Variants in ZBTB17 observed in about 807,000 individuals in gnomAD.
ZBTB17 encodes zinc finger and BTB domain containing 17.
Under a neutral mutation model 85.1 loss-of-function variants are expected in ZBTB17, and 24 were observed. That is an observed-to-expected ratio of 0.28 (90% CI 0.20 to 0.40). The LOEUF is 0.40. ZBTB17 is among the 10% of genes least tolerant of loss of function. ZBTB17 has a pLI of 1.00. For synonymous variants in ZBTB17, 464 were observed against 460.2 expected (o/e 1.01, Z -0.11); for missense variants, 743 against 1,105.1 (o/e 0.67, Z 4.65).
rs1040373145 is a variant in ZBTB17 at position 15,952,217 on chromosome 1, C to T, written c.-2-3720G>A. ...CCACTCACAAAGTCTTAGCTGCAAT[C>T]GGGCACCTTTTCCCAACACCTCTAG... On this transcript the variant is annotated intron_variant, in intron 2 of 15. Coordinates refer to ENST00000375743, the MANE Select transcript of ZBTB17 (RefSeq NM_003443.3). The surrounding 1 kb of genome is among the most constrained non-coding windows in gnomAD (Gnocchi z 4.3). Among the ~76,000 whole-genome samples the T allele has an allele frequency of 6.6e-6, 1 of 152,198 alleles. No individual in the cohort carries two copies. Among genetic ancestry groups the T allele is most frequent in the Non-Finnish European group, 1.5e-5 (1 of 68,036 alleles).
intron 2 of ZBTB17, among the ~76,000 whole-genome samples, chr1:15,965,959 A>C (rs1010396146): frequency 2.0e-5 from 3 of 152,190 alleles, no homozygotes; most frequent in Non-Finnish European, 4.4e-5. Flanking sequence ...GGTAACAGTA[A>C]GTTCTTTTTG....
At chr1:15,947,213 G>A in intron 3 of ZBTB17, 90 bp from the exon 4 acceptor site, 2 of 1,359,562 alleles carry the variant, frequency 1.5e-6, no homozygotes, top group East Asian at 2.5e-5. Flanking sequence ...CAGGACGCAG[G>A]GATTTAGGAA....
rs1340310661 is a variant in ZBTB17, at chr1:15,941,893, C to T, written c.*76G>A. ...ATTAGAAAATAATCCAATTTATTCT[C>T]TCTAGGGAACAGGCCACCCTTCCCG... On this transcript the variant is annotated 3_prime_UTR_variant, in exon 16 of 16. Transcript: ENST00000375743. 1 of 1,519,782 alleles carries T rather than the reference C, an allele frequency of 6.6e-7. No homozygotes were observed. The highest frequency in any genetic ancestry group is 8.8e-7 in the Non-Finnish European group (1 of 1,134,424). 94.1% of individuals were successfully genotyped at this position (1,519,782 alleles called of 1,614,324 possible).
chr1:15,949,688 A>G (rs1220391165), intron 2 of ZBTB17, among the ~76,000 whole-genome samples: 1 of 152,160 alleles, frequency 6.6e-6, no homozygotes, highest in Non-Finnish European at 1.5e-5. Flanking sequence ...CTGTGACATC[A>G]GCATCTTGGG....
Position 15,947,154 on chromosome 1 carries a change from C to A in ZBTB17, c.206-31G>T, listed in dbSNP as rs577336851. 744 of 1,584,214 alleles carry A rather than the reference C, an allele frequency of 4.7e-4. 13 individuals carry two copies. The South Asian group carries it at 6.7e-3, about 14-fold the overall frequency. On this transcript the variant is annotated intron_variant, in intron 3 of 15. Coordinates refer to ENST00000375743, the MANE Select transcript of ZBTB17 (RefSeq NM_003443.3). ...AAGGACAGGACAGCTGTCACAGACC[C>A]ACCTCAAGATCCGGCACCGGCAGCC...
In ZBTB17 at chr1:15,945,721, C is replaced by G. The variant is rs1377275892; in HGVS notation, c.655G>C (p.Glu219Gln). The change falls in exon 6 of 16, where the codon GAG becomes CAG. Residue 219 changes from glutamate to glutamine, a missense_variant. Glu to Gln is a conservative substitution (Grantham distance 29). Coordinates refer to ENST00000375743, the MANE Select transcript of ZBTB17 (RefSeq NM_003443.3). ...EAEAALSESS[E>Q]QEMEVEPARK... Reference sequence around the variant, plus strand: ...CCTGGCTGGGCGGGGCTACCTTGCTCCGAGCTCTCGGACAAAGCGGCCTCA... The same window carrying G: ...CCTGGCTGGGCGGGGCTACCTTGCTGCGAGCTCTCGGACAAAGCGGCCTCA... The G allele has an allele frequency of 2.5e-6, 4 of 1,606,990 alleles. No individual in the cohort carries two copies. The highest frequency in any genetic ancestry group is 1.1e-5 in the South Asian group (1 of 91,042).
chr1:15,957,097 T>C (rs774814502), intron 2 of ZBTB17, among the ~76,000 whole-genome samples: 51 of 150,458 alleles, frequency 3.4e-4, no homozygotes, highest in Non-Finnish European at 4.7e-4. Flanking sequence ...GGAGAATGCT[T>C]GAACCTGGGA....
In ZBTB17 at chr1:15,943,735, G is replaced by A. The variant is rs750435003; in HGVS notation, c.1460-20C>T. Reference sequence around the variant, plus strand: ...GGTTCCCTGTGGCGAGACCGAGGGCGAACCTGGCGTGGGGCACCACCGGTG... The same window carrying A: ...GGTTCCCTGTGGCGAGACCGAGGGCAAACCTGGCGTGGGGCACCACCGGTG... On this transcript the variant is annotated intron_variant, in intron 10 of 15. Transcript: ENST00000375743. The A allele has an allele frequency of 1.3e-5, 21 of 1,612,870 alleles. No individual in the cohort carries two copies. The South Asian group carries it at 1.8e-4, about 13-fold the overall frequency.
chr1:15,944,662 AG>A, intron 8 of ZBTB17, 34 bp downstream of exon 8: 2 of 1,602,924 alleles, frequency 1.2e-6, no homozygotes. Flanking sequence ...CGGGCCTGGC[AG>A]GGGCCGGGGT....
rs1230431464 is a variant in ZBTB17, at chr1:15,944,774, C to T, written c.993G>A (p.Glu331=). The change falls in exon 8 of 16, where the codon GAG becomes GAA. Residue 331 remains glutamate (E), a synonymous_variant. Coordinates refer to ENST00000375743, the MANE Select transcript of ZBTB17 (RefSeq NM_003443.3). ...FKRHIRIHTG[E]KPFSCRECSK... is the part of the protein sequence containing the mutation. ...TGCACTCCCGGCACGAGAAGGGCTT[C>T]TCCCCCGTGTGGATGCGGATGTGCC... The T allele has an allele frequency of 6.2e-7, 1 of 1,612,824 alleles. No individual in the cohort carries two copies. The highest frequency in any genetic ancestry group is 8.5e-7 in the Non-Finnish European group (1 of 1,179,780).
Position 15,953,600 on chromosome 1 carries a change from G to A in ZBTB17, c.-2-5103C>T, listed in dbSNP as rs2071942873. 6.6e-6 allele frequency among the ~76,000 whole-genome samples: 1 copy of A among 151,948 alleles called. No individual in the cohort carries two copies. Among genetic ancestry groups the A allele is most frequent in the Non-Finnish European group, 1.5e-5 (1 of 67,970 alleles). On this transcript the variant is annotated intron_variant, in intron 2 of 15. Transcript: ENST00000375743. This position sits in a 1 kb window ranked among gnomAD's most constrained non-coding sequence, Gnocchi z 5.1. Reference sequence around the variant, plus strand: ...AGACTGCTGAGTAAGCCAGGTTTCTGTTTGGGCCGTGAAATCCACTCTGGT... The same window carrying A: ...AGACTGCTGAGTAAGCCAGGTTTCTATTTGGGCCGTGAAATCCACTCTGGT...
intron 4 of ZBTB17, among the ~76,000 whole-genome samples, 199 bp from the exon 5 acceptor site, chr1:15,946,493 C>T (rs1484765043): frequency 6.6e-6 from 1 of 152,228 alleles, no homozygotes; most frequent in Non-Finnish European, 1.5e-5. Context: ...ACTGGGAATA[C>T]AACAGTGATG....
At position 15,942,365 on chromosome 1, in the gene ZBTB17, C is replaced by T; in HGVS notation, c.2094G>A (p.Glu698=). 5 of 1,613,944 alleles carry T rather than the reference C, an allele frequency of 3.1e-6. No individual in the cohort carries two copies. Among genetic ancestry groups the T allele is most frequent in the Non-Finnish European group, 4.2e-6 (5 of 1,180,038 alleles). Residue 698 remains glutamate (E), a synonymous_variant, in exon 15 of 16, where the codon GAG becomes GAA. Coordinates refer to ENST00000375743, the MANE Select transcript of ZBTB17 (RefSeq NM_003443.3). ...GCACTTGCTTCACAGCTTTGCTGAT[C>T]TCGGCCTTCAGGACTTCCGTCTCAT... is the stretch of plus-strand genomic sequence containing the variant. ...TADETEVLKA[E]ISKAVKQVQE... is the part of the protein sequence containing the mutation.
At chr1:15,954,304 TA>T (rs1057025486) in intron 2 of ZBTB17, among the ~76,000 whole-genome samples, 18 of 152,184 alleles carry the variant, frequency 1.2e-4, no homozygotes, top group African/African-American at 3.6e-4. Flanking sequence ...TAGTATGCAC[TA>T]AACTACCTGC....
At position 15,945,175 on chromosome 1, in the gene ZBTB17, C is replaced by A; in HGVS notation, c.689G>T (p.Gly230Val). Residue 230 changes from glycine to valine, a missense_variant, in exon 7 of 16, where the codon GGG (glycine) becomes GTG (valine). This residue lies in a region of ZBTB17 where 279 missense variants were observed against 269.9 expected (regional missense o/e 1.03). Transcript: ENST00000375743. ...QEMEVEPARK[G>V]EEEQKEQEEQ... ...CTCTTGCTCCTTTTGCTCCTCTTCC[C>A]CTTTCCGGGCGGGCTCCACCTCCAT... 6.4e-7 allele frequency: 1 copy of A among 1,559,856 alleles called. No homozygotes were observed. Among genetic ancestry groups the A allele is most frequent in the East Asian group, 2.4e-5 (1 of 41,846 alleles).
chr1:15,950,681 T>C lies in ZBTB17; in HGVS notation c.-2-2184A>G, dbSNP rs1453199495. ...CCTTCCCCAGGAGCCAACCCGAAAC[T>C]TGAGCCACCCAGGTGCTAAAACAAC... On this transcript the variant is annotated intron_variant, in intron 2 of 15. Coordinates refer to ENST00000375743, the MANE Select transcript of ZBTB17 (RefSeq NM_003443.3). Among the ~76,000 whole-genome samples the C allele has an allele frequency of 3.9e-5, 6 of 152,162 alleles. No individual in the cohort carries two copies. The East Asian group carries it at 1.2e-3, about 29-fold the overall frequency.
intron 2 of ZBTB17, among the ~76,000 whole-genome samples, chr1:15,958,623 G>A (rs1428966703): frequency 6.6e-6 from 1 of 152,134 alleles, no homozygotes; most frequent in Non-Finnish European, 1.5e-5. Context: ...AAAGTGCCAG[G>A]GGCCCTGGGA....
Position 15,973,941 on chromosome 1 carries a change from G to A in ZBTB17, c.-89-816C>T, listed in dbSNP as rs1034355988. 6.6e-6 allele frequency among the ~76,000 whole-genome samples: 1 copy of A among 152,132 alleles called. No homozygotes were observed. Among genetic ancestry groups the A allele is most frequent in the Non-Finnish European group, 1.5e-5 (1 of 68,018 alleles). On this transcript the variant is annotated intron_variant, in intron 1 of 15. Transcript: ENST00000375743. This position sits in a 1 kb window ranked among gnomAD's most constrained non-coding sequence, Gnocchi z 4.1. ...ATGGTTGCACATGCCTATAATCCCA[G>A]TACTTTGGGAGGCTGAGGCGGGAGG...
Position 15,942,915 on chromosome 1 carries a change from G to T in ZBTB17, c.1828+149C>A, listed in dbSNP as rs567105835. The T allele has an allele frequency of 9.1e-5, 124 of 1,367,244 alleles. No homozygotes were observed. In the Admixed American group the frequency reaches 2.7e-3, roughly 29 times the overall value. The allele number at this position is 1,367,244 out of a possible 1,614,324, so 84.7% of individuals were successfully genotyped here. Reference sequence around the variant, plus strand: ...CCTCTGGAAGCTCTAGGAAAATGGGGTCCTCATTTGAACAGAACTGCCTTC... The same window carrying T: ...CCTCTGGAAGCTCTAGGAAAATGGGTTCCTCATTTGAACAGAACTGCCTTC... On this transcript the variant is annotated intron_variant, in intron 13 of 15. Coordinates refer to ENST00000375743, the MANE Select transcript of ZBTB17 (RefSeq NM_003443.3).
Sources: gnomAD v4.1 joint callset for allele counts (sites outside exome capture counted in the v4.1 genomes callset) on GRCh38, gnomAD v4.1.1 for gene constraint, gnomAD v4.1.1 regional missense constraint, Gnocchi (gnomAD v3.1) non-coding constraint, MANE v1.5 for transcripts, NCBI Gene and HGNC (gene_info 2026-07-23, HGNC 2026-07-21) for gene names.